MBD5: variants seen among roughly 807,000 people sequenced by gnomAD.
MBD5 encodes methyl-CpG-binding domain protein 5.
MBD5 carries 13 observed loss-of-function variants against 117.3 expected under a neutral mutation model. That is an observed-to-expected ratio of 0.11 (90% confidence interval 0.07 to 0.18). The LOEUF (loss-of-function observed/expected upper bound fraction) is 0.18, where lower values mean the gene tolerates loss of function less well. Among genes scored for constraint, MBD5 ranks in the 10% least tolerant of loss-of-function variants. MBD5 has a pLI of 1.00. For synonymous variants in MBD5, 727 were observed against 766.4 expected (o/e 0.95, Z 0.85); for missense variants, 1,879 against 2,093.8 (o/e 0.90, Z 2.00).
In MBD5 at chr2:148,161,955, A is replaced by G. The variant is rs1698016314; in HGVS notation, c.-924-16745A>G. Among the ~76,000 whole-genome samples the G allele has an allele frequency of 2.6e-5, 4 of 152,178 alleles. No individual in the cohort carries two copies. The South Asian group carries it at 8.3e-4, about 32-fold the overall frequency. On this transcript the variant is annotated intron_variant, in intron 1 of 13. Coordinates refer to ENST00000642680, the MANE Select transcript of MBD5 (RefSeq NM_001378120.1). ...TCACTGTGGTAATTATGGATGTTTA[A>G]TGGTTTTGCTAATGTAATAAGTGAT... is the stretch of plus-strand genomic sequence containing the variant.
At chr2:148,227,051 C>T (rs1699843420) in intron 2 of MBD5, among the ~76,000 whole-genome samples, 1 of 152,136 alleles carries the variant, frequency 6.6e-6, no homozygotes, top group Admixed American at 6.5e-5. Flanking sequence ...AATTTTCTCC[C>T]ATTCTGTAGG....
intron 4 of MBD5, among the ~76,000 whole-genome samples, chr2:148,372,690 T>C (rs1703887409): frequency 6.6e-6 from 1 of 151,888 alleles, no homozygotes; most frequent in Admixed American, 6.6e-5. Flanking sequence ...AAAGTGTGAA[T>C]ACAGAATTGA....
chr2:148,479,883 A>G (rs1042540067), intron 8 of MBD5, among the ~76,000 whole-genome samples: 1 of 151,938 alleles, frequency 6.6e-6, no homozygotes, highest in African/African-American at 2.4e-5. Flanking sequence ...CTCTTAGCAT[A>G]TTGCCTTATA....
At chr2:148,485,541 A>T in intron 9 of MBD5, 1 of 574,002 alleles carries the variant, frequency 1.7e-6, no homozygotes. Context: ...AAAATTAAAA[A>T]ACTAATTATA....
chr2:148,069,592 G>C (rs1442927602), intron 1 of MBD5, among the ~76,000 whole-genome samples: 3 of 151,822 alleles, frequency 2.0e-5, no homozygotes, highest in Non-Finnish European at 4.4e-5. Context: ...AGTTTGTGGG[G>C]AACTAGAGCA....
chr2:148,326,451 T>C (rs1387375133), intron 3 of MBD5, among the ~76,000 whole-genome samples: 5 of 152,150 alleles, frequency 3.3e-5, no homozygotes, highest in Non-Finnish European at 7.3e-5. Flanking sequence ...AAATCTCCCA[T>C]TATTAATGTG....
At chr2:148,092,940 C>T (rs1198983861) in intron 1 of MBD5, among the ~76,000 whole-genome samples, 5 of 149,708 alleles carry the variant, frequency 3.3e-5, no homozygotes, top group Non-Finnish European at 5.9e-5. Flanking sequence ...TTTTTTTTGA[C>T]GGAGTATCGC....
intron 4 of MBD5, among the ~76,000 whole-genome samples, chr2:148,374,074 T>C (rs1187361506): frequency 6.6e-6 from 1 of 152,122 alleles, no homozygotes; most frequent in Non-Finnish European, 1.5e-5. Flanking sequence ...AAAATTCTTC[T>C]GGTTCCAAGC....
intron 4 of MBD5, among the ~76,000 whole-genome samples, chr2:148,402,443 C>T (rs1257327398): frequency 1.3e-5 from 2 of 152,028 alleles, no homozygotes; most frequent in South Asian, 2.1e-4. Context: ...TTTTCACACA[C>T]GTAAAACACT....
intron 2 of MBD5, among the ~76,000 whole-genome samples, chr2:148,200,571 T>C (rs949928049): frequency 5.9e-5 from 9 of 151,854 alleles, no homozygotes; most frequent in African/African-American, 2.2e-4. Context: ...CGGGCGCCTG[T>C]GGTCCCAGCT....
intron 4 of MBD5, among the ~76,000 whole-genome samples, chr2:148,443,770 A>T (rs1160335815): frequency 6.6e-6 from 1 of 151,124 alleles, no homozygotes; most frequent in Non-Finnish European, 1.5e-5. Flanking sequence ...GTTTTTGGGG[A>T]GAGGTGGGGA....
chr2:148,109,789 T>C (rs1453899343), intron 1 of MBD5, among the ~76,000 whole-genome samples: 3 of 152,190 alleles, frequency 2.0e-5, no homozygotes, highest in African/African-American at 7.2e-5. Context: ...TCATTTTGCT[T>C]ATTTGTATTT....
At chr2:148,209,231 T>C (rs1349516043) in intron 2 of MBD5, among the ~76,000 whole-genome samples, 1 of 152,228 alleles carries the variant, frequency 6.6e-6, no homozygotes, top group Admixed American at 6.5e-5. Context: ...CTTAGTACTC[T>C]AGTCAGAATG....
chr2:148,433,498 G>A (rs890526245), intron 4 of MBD5, among the ~76,000 whole-genome samples: 4 of 152,124 alleles, frequency 2.6e-5, no homozygotes, highest in African/African-American at 9.7e-5. Context: ...GTCATGGATG[G>A]CTCTTATTAC....
At position 148,141,458 on chromosome 2, in the gene MBD5, C is replaced by A. The variant is rs181649503; in HGVS notation, c.-924-37242C>A. Reference sequence around the variant, plus strand: ...TCCAACAATTCATTCCAACAGTAGTCTAATAATTGAAGGAAAGCATTTACC... The same window carrying A: ...TCCAACAATTCATTCCAACAGTAGTATAATAATTGAAGGAAAGCATTTACC... On this transcript the variant is annotated intron_variant, in intron 1 of 13. Transcript: ENST00000642680. 1.4e-4 allele frequency among the ~76,000 whole-genome samples: 21 copies of A among 152,128 alleles called. No individual in the cohort carries two copies. In the East Asian group the frequency reaches 3.3e-3, roughly 24 times the overall value.
intron 4 of MBD5, among the ~76,000 whole-genome samples, chr2:148,362,042 A>C (rs771324651): frequency 2.6e-5 from 4 of 152,190 alleles, no homozygotes; most frequent in Non-Finnish European, 2.9e-5. Context: ...CCTGGGTTTC[A>C]AGCACAAAAC....
chr2:148,504,446 A>G (rs535826295), intron 12 of MBD5, among the ~76,000 whole-genome samples: 15 of 152,332 alleles, frequency 9.8e-5, no homozygotes, highest in Non-Finnish European at 1.6e-4. Context: ...ATTAGTTGAA[A>G]GTCCCACAAC....
chr2:148,366,694 G>A (rs1164082376), intron 4 of MBD5, among the ~76,000 whole-genome samples: 1 of 152,068 alleles, frequency 6.6e-6, no homozygotes, highest in Non-Finnish European at 1.5e-5. Flanking sequence ...TAAACAAGCG[G>A]AGAGCCAAAT....
At chr2:148,232,276 G>A (rs1700006391) in intron 2 of MBD5, among the ~76,000 whole-genome samples, 2 of 152,102 alleles carry the variant, frequency 1.3e-5, no homozygotes, top group South Asian at 4.1e-4. Context: ...AGTCTTTGGG[G>A]GATTTTGAAC....
Sources: gnomAD v4.1 joint callset for allele counts (sites outside exome capture counted in the v4.1 genomes callset) on GRCh38, gnomAD v4.1.1 for gene constraint, MANE v1.5 for transcripts, NCBI Gene and HGNC (gene_info 2026-07-23, HGNC 2026-07-21) for gene names.